KIT: variants seen among roughly 807,000 people sequenced by gnomAD.
The protein encoded by KIT is KIT proto-oncogene, receptor tyrosine kinase.
KIT carries 16 observed loss-of-function variants against 105.7 expected under a neutral mutation model. That is an observed-to-expected ratio of 0.15 (90% CI 0.10 to 0.23). KIT has a LOEUF of 0.23. Ranked by LOEUF, KIT falls within the 10% of genes least tolerant of loss-of-function variation. KIT has a pLI of 1.00. For synonymous variants in KIT, 438 were observed against 441.1 expected (o/e 0.99, Z 0.09); for missense variants, 858 against 1,213.8 (o/e 0.71, Z 4.36).
intron 1 of KIT, among the ~76,000 whole-genome samples, chr4:54,689,349 G>T (rs1719534699): frequency 6.6e-6 from 1 of 152,158 alleles, no homozygotes; most frequent in Non-Finnish European, 1.5e-5. Flanking sequence ...ATGACTCATG[G>T]TGTGAGCAGA....
intron 1 of KIT, among the ~76,000 whole-genome samples, chr4:54,672,128 GGTTGATATGTCCTTTAA>G (rs1170696099): frequency 6.6e-6 from 1 of 152,180 alleles, no homozygotes; most frequent in Admixed American, 6.5e-5. Context: ...CATTGTAATT[GGTTGATATGTCCTTTAA>G]GTCATTTCTT....
Position 54,736,725 on chromosome 4 carries a change from C to A in KIT, c.2601C>A (p.Ser867Arg), listed in dbSNP as rs143074839. 2 of 1,613,954 alleles carry A rather than the reference C, an allele frequency of 1.2e-6. No individual in the cohort carries two copies. Among genetic ancestry groups the A allele is most frequent in the Non-Finnish European group, 1.7e-6 (2 of 1,179,806 alleles). The change falls in exon 19 of 21, where the codon AGC becomes AGA. Residue 867 changes from serine (S) to arginine (R), a missense_variant. Ser to Arg is a moderately radical substitution (Grantham distance 110). Transcript: ENST00000288135. Reference sequence around the variant, plus strand: ...GCTTTGCAAACTGTGTCTCAGGAAGCAGCCCCTATCCTGGAATGCCGGTCG... The same window carrying A: ...GCTTTGCAAACTGTGTCTCAGGAAGAAGCCCCTATCCTGGAATGCCGGTCG... Reference protein sequence around the residue: ...IFLWELFSLGSSPYPGMPVDS... With the variant: ...IFLWELFSLGRSPYPGMPVDS...
At chr4:54,712,635 A>G (rs1721233470) in intron 7 of KIT, among the ~76,000 whole-genome samples, 1 of 152,216 alleles carries the variant, frequency 6.6e-6, no homozygotes, top group South Asian at 2.1e-4. Flanking sequence ...TTGCCATTCC[A>G]GCAGGCTCAG....
At chr4:54,698,712 T>C (rs1487649425) in intron 3 of KIT, 147 bp downstream of exon 3, 2 of 907,412 alleles carry the variant, frequency 2.2e-6, no homozygotes, top group African/African-American at 3.3e-5. Flanking sequence ...CATCTGCTTT[T>C]GAATTTGTTT....
At chr4:54,661,737 G>A (rs536455239) in intron 1 of KIT, among the ~76,000 whole-genome samples, 13 of 152,238 alleles carry the variant, frequency 8.5e-5, no homozygotes, top group South Asian at 2.1e-4. Context: ...CTATAAGTCC[G>A]GATTGAAGAA....
chr4:54,701,510 GTTAATC>G (rs1422519897), intron 4 of KIT, among the ~76,000 whole-genome samples: 2 of 152,178 alleles, frequency 1.3e-5, no homozygotes, highest in African/African-American at 4.8e-5. Context: ...GTTCAATACT[GTTAATC>G]TTAGTTGGTT....
chr4:54,708,477 G>A (rs1720927761), intron 6 of KIT, among the ~76,000 whole-genome samples: 1 of 152,082 alleles, frequency 6.6e-6, no homozygotes, highest in Admixed American at 6.5e-5. Flanking sequence ...CACCTCTCCA[G>A]CTATCAGTCA....
At chr4:54,712,366 C>T (rs960087319) in intron 7 of KIT, among the ~76,000 whole-genome samples, 1 of 152,214 alleles carries the variant, frequency 6.6e-6, no homozygotes, top group Admixed American at 6.5e-5. Flanking sequence ...GCACCAGCAA[C>T]AGCAGATCGT....
At chr4:54,715,594 A>T (rs1293003174) in intron 7 of KIT, among the ~76,000 whole-genome samples, 2 of 152,028 alleles carry the variant, frequency 1.3e-5, no homozygotes, top group East Asian at 1.9e-4. Flanking sequence ...TCGGATCTCG[A>T]GGGAGCTAAT....
intron 5 of KIT, among the ~76,000 whole-genome samples, chr4:54,704,167 A>G (rs1348967413): frequency 1.3e-5 from 2 of 152,188 alleles, no homozygotes; most frequent in Non-Finnish European, 2.9e-5. Context: ...ACAAAACATA[A>G]GTTGAGATTT....
chr4:54,687,863 C>G (rs1256350328), intron 1 of KIT, among the ~76,000 whole-genome samples: 1 of 152,150 alleles, frequency 6.6e-6, no homozygotes, highest in Non-Finnish European at 1.5e-5. Context: ...GCACGTGTGT[C>G]ACCTCTTGAT....
chr4:54,666,159 G>T (rs1001278332), intron 1 of KIT, among the ~76,000 whole-genome samples: 2 of 152,158 alleles, frequency 1.3e-5, no homozygotes, highest in East Asian at 1.9e-4. Context: ...GTGAGGGAAG[G>T]TTTAGTGAAT....
chr4:54,707,675 G>A (rs141643079), intron 6 of KIT, among the ~76,000 whole-genome samples: 6 of 152,284 alleles, frequency 3.9e-5, no homozygotes, highest in East Asian at 3.9e-4. Flanking sequence ...AAATAACTTC[G>A]CTTCAGGCAG....
At chr4:54,662,309 G>A (rs930474468) in intron 1 of KIT, among the ~76,000 whole-genome samples, 5 of 152,158 alleles carry the variant, frequency 3.3e-5, no homozygotes, top group African/African-American at 1.2e-4. Flanking sequence ...GATGGCCTTA[G>A]AGCAAATTGT....
intron 1 of KIT, among the ~76,000 whole-genome samples, chr4:54,666,569 C>T (rs975062632): frequency 6.6e-6 from 1 of 152,194 alleles, no homozygotes; most frequent in Non-Finnish European, 1.5e-5. Flanking sequence ...TGAGCCACTG[C>T]ACCCGGCAAT....
At chr4:54,701,336 C>A (rs754856700) in intron 4 of KIT, among the ~76,000 whole-genome samples, 44 of 152,184 alleles carry the variant, frequency 2.9e-4, no homozygotes, top group Non-Finnish European at 5.4e-4. Context: ...TTATTGATAT[C>A]TTTTGGCTTA....
intron 1 of KIT, among the ~76,000 whole-genome samples, chr4:54,671,906 A>G (rs1289014231): frequency 6.6e-6 from 1 of 152,238 alleles, no homozygotes; most frequent in Non-Finnish European, 1.5e-5. Context: ...TGTCTCAAGC[A>G]TCATAGAATT....
intron 1 of KIT, among the ~76,000 whole-genome samples, chr4:54,667,945 C>T (rs1282401514): frequency 2.0e-5 from 3 of 152,148 alleles, no homozygotes; most frequent in Admixed American, 1.3e-4. Context: ...CACTCCTAGC[C>T]AAGATTAGAG....
At chr4:54,724,244 A>G (rs1245674398) in intron 8 of KIT, among the ~76,000 whole-genome samples, 2 of 152,140 alleles carry the variant, frequency 1.3e-5, no homozygotes, top group Admixed American at 6.5e-5. Context: ...TAAGCCTTAA[A>G]TTGCCCTTTT....
Sources: allele counts gnomAD v4.1 joint callset (sites outside exome capture counted in the v4.1 genomes callset), GRCh38; gene constraint gnomAD v4.1.1; transcripts MANE v1.5; gene names NCBI Gene and HGNC (gene_info 2026-07-23, HGNC 2026-07-21).